The following DEPDC1 variants were observed in gnomAD, a reference collection of about 807,000 sequenced individuals.
DEPDC1 encodes the protein DEP domain containing 1.
DEPDC1 carries 66 observed loss-of-function variants against 86.8 expected under a neutral mutation model. The observed-to-expected ratio is 0.76, with a 90% confidence interval of 0.62 to 0.93. The LOEUF is 0.93. Among genes scored for constraint, DEPDC1 ranks in the 40% least tolerant of loss-of-function variants. DEPDC1 has a pLI of 0.00. For synonymous variants in DEPDC1, 255 were observed against 314.9 expected (o/e 0.81, Z 2.02); for missense variants, 792 against 935.7 (o/e 0.85, Z 2.00).
rs1459668985 is a variant in DEPDC1, at chr1:68,489,534, A to G, written c.389T>C (p.Phe130Ser). ...AAAAATGCTATCTTTATCTTTGGAA[A>G]AGTTCTCTATGTTGTTTTTTCTCAA... ...PELRKNNIEN[F>S]SKDKDSIFKL... The change falls in exon 3 of 12, where the codon TTT becomes TCT. Residue 130 changes from phenylalanine (F) to serine (S), a missense_variant. Coordinates refer to ENST00000456315, the MANE Select transcript of DEPDC1 (RefSeq NM_001114120.3). The G allele has an allele frequency of 2.5e-5, 39 of 1,545,592 alleles. No homozygotes were observed. The highest frequency in any genetic ancestry group is 3.2e-5 in the Non-Finnish European group (37 of 1,155,968).
In DEPDC1 at chr1:68,477,782, C is replaced by A; in HGVS notation, c.2298+5G>T. On this transcript the variant is annotated splice_donor_5th_base_variant and intron_variant, in intron 11 of 11. Coordinates refer to ENST00000456315, the MANE Select transcript of DEPDC1 (RefSeq NM_001114120.3). ...ACATGATTGAGAACTTGCTCATTCT[C>A]TTACCTGTTTTAGTTTTTTTCTTTT... 6.7e-7 allele frequency: 1 copy of A among 1,490,146 alleles called. No individual in the cohort carries two copies. Among genetic ancestry groups the A allele is most frequent in the Non-Finnish European group, 9.0e-7 (1 of 1,109,678 alleles). 92.3% of individuals were successfully genotyped at this position (1,490,146 alleles called of 1,614,324 possible).
chr1:68,479,715 A>AT (rs1646141198), intron 9 of DEPDC1, among the ~76,000 whole-genome samples: 1 of 151,508 alleles, frequency 6.6e-6, no homozygotes, highest in African/African-American at 2.4e-5. Flanking sequence ...AGGCAGAAGG[A>AT]TTTTTTGAGC....
Position 68,477,060 on chromosome 1 carries a change from C to T in DEPDC1, c.2308G>A (p.Glu770Lys), listed in dbSNP as rs760835070. ...CTTTTCTGATATATCAAAGGATATT[C>T]CTTCTGAAACTTAAAAATGAGGTGA... Reference protein sequence around the residue: ...KRKKLKQFQKEYPLIYQKRFP... With the variant: ...KRKKLKQFQKKYPLIYQKRFP... Residue 770 changes from glutamate to lysine, a missense_variant, in exon 12 of 12, where the codon GAA (glutamate) becomes AAA (lysine). By Grantham distance (56) the Glu-to-Lys change is moderately conservative. Transcript: ENST00000456315. 6.3e-7 allele frequency: 1 copy of T among 1,597,032 alleles called. No individual in the cohort carries two copies. The highest frequency in any genetic ancestry group is 8.5e-7 in the Non-Finnish European group (1 of 1,171,950).
In DEPDC1 at chr1:68,481,527, C is replaced by T. The variant is rs538541606; in HGVS notation, c.1848G>A (p.Lys616=). 1.6e-4 allele frequency: 251 copies of T among 1,612,232 alleles called. 2 individuals are homozygous for T. The South Asian group carries it at 2.6e-3, about 16-fold the overall frequency. The part of the protein sequence containing the change: ...CLLLPPPNRR[K]LQLLMRMISR... ...AAATCATACGCATTAAAAGTTGAAG[C>T]TTTCTACGATTTGGTGGGGGAAGTA... Residue 616 remains lysine (K), a synonymous_variant, in exon 9 of 12, where the codon AAG becomes AAA. Coordinates refer to ENST00000456315, the MANE Select transcript of DEPDC1 (RefSeq NM_001114120.3).
At position 68,477,035 on chromosome 1, in the gene DEPDC1, CT is replaced by C; in HGVS notation, c.2332del (p.Arg778AspfsTer23). 1.9e-6 allele frequency: 3 copies of C among 1,607,652 alleles called. No homozygotes were observed. The Admixed American group carries it at 5.0e-5, about 27-fold the overall frequency. ...TGCTTCACTCTCCGTGGTTGGAAAT[CT>C]TTTCTGATATATCAAAGGATATTCC... is the stretch of plus-strand genomic sequence containing the variant. Reference protein sequence around the residue: ...QKEYPLIYQKRFPTTESEAAL... With the variant: ...QKEYPLIYQKXFPTTESEAAL... On this transcript the variant is annotated frameshift_variant, in exon 12 of 12. Transcript: ENST00000456315. LOFTEE classifies it high-confidence loss of function.
intron 6 of DEPDC1, among the ~76,000 whole-genome samples, chr1:68,485,244 G>A (rs886815986): frequency 3.3e-5 from 5 of 151,810 alleles, no homozygotes; most frequent in African/African-American, 1.2e-4. Flanking sequence ...GAAATAGTAT[G>A]TGGAATAAAA....
In DEPDC1 at chr1:68,497,077, C is replaced by T; in HGVS notation, c.-78G>A. The T allele has an allele frequency of 1.3e-6, 2 of 1,513,720 alleles. No individual in the cohort carries two copies. The highest frequency in any genetic ancestry group is 1.1e-5 in the South Asian group (1 of 88,022). The allele number at this position is 1,513,720 out of a possible 1,614,324, so 93.8% of individuals were successfully genotyped here. A position where few individuals can be genotyped will look rare whatever the true frequency, so the allele number is the denominator to read the frequency against. On this transcript the variant is annotated 5_prime_UTR_variant, in exon 1 of 12. Transcript: ENST00000456315. ...CAGCGGCCGCGGCAGTGGCGAGTCT[C>T]GGCACAACCGTTGGCCCCGCCGCCG...
Position 68,496,371 on chromosome 1 carries a change from C to T in DEPDC1, c.48+581G>A, listed in dbSNP as rs1646265268. 6.6e-6 allele frequency among the ~76,000 whole-genome samples: 1 copy of T among 152,186 alleles called. No individual in the cohort carries two copies. Among genetic ancestry groups the T allele is most frequent in the Non-Finnish European group, 1.5e-5 (1 of 68,038 alleles). On this transcript the variant is annotated intron_variant, in intron 1 of 11. Coordinates refer to ENST00000456315, the MANE Select transcript of DEPDC1 (RefSeq NM_001114120.3). The surrounding 1 kb of genome is among the most constrained non-coding windows in gnomAD (Gnocchi z 4.0). ...GAACCGAAGACCCAACTGCACAAAACGCGTTAGGAGTGCTGTACGTGCAAT... is the reference window on the plus strand; with the variant it reads ...GAACCGAAGACCCAACTGCACAAAATGCGTTAGGAGTGCTGTACGTGCAAT...
chr1:68,485,023 T>G (rs1031181063), intron 6 of DEPDC1, among the ~76,000 whole-genome samples: 1 of 151,584 alleles, frequency 6.6e-6, no homozygotes, highest in Non-Finnish European at 1.5e-5. Flanking sequence ...TGCATCTAGG[T>G]TTTAGAGCCA....
chr1:68,492,541 C>T (rs1419311143), intron 2 of DEPDC1, among the ~76,000 whole-genome samples: 1 of 151,512 alleles, frequency 6.6e-6, no homozygotes, highest in Non-Finnish European at 1.5e-5. Context: ...ACCCCGTGTC[C>T]ACAAAAAATT....
chr1:68,479,390 C>T lies in DEPDC1; in HGVS notation c.1936-70G>A, dbSNP rs12131902. On this transcript the variant is annotated intron_variant, in intron 9 of 11. Coordinates refer to ENST00000456315, the MANE Select transcript of DEPDC1 (RefSeq NM_001114120.3). ...ATACAAACTAGAATATCGGTAATTT[C>T]CAGGTAGCATTATGTGAAGTATTGG... 106 of 1,210,586 alleles carry T rather than the reference C, an allele frequency of 8.8e-5. 1 individual carries two copies. The Middle Eastern group carries it at 4.2e-3, about 48-fold the overall frequency. 75.0% of individuals were successfully genotyped at this position (1,210,586 alleles called of 1,614,324 possible).
chr1:68,491,920 ATTTTTTTTT>A (rs1227155636), intron 2 of DEPDC1, among the ~76,000 whole-genome samples: 1 of 138,940 alleles, frequency 7.2e-6, no homozygotes, highest in African/African-American at 2.7e-5. Flanking sequence ...TGGCTAATTA[ATTTTTTTTT>A]TTTTTTTTGT....
rs112237446 is a variant in DEPDC1, at chr1:68,493,629, G to C, written c.314+801C>G. Among the ~76,000 whole-genome samples the C allele has an allele frequency of 4.2e-3, 641 of 152,288 alleles. 7 individuals carry two copies. The highest frequency in any genetic ancestry group is 0.015 in the South Asian group (71 of 4,826). ...CTTGGCTACTATAGCAATTAAGTAA[G>C]AACACATATGTAAATCATCAAACAG... On this transcript the variant is annotated intron_variant, in intron 2 of 11. Coordinates refer to ENST00000456315, the MANE Select transcript of DEPDC1 (RefSeq NM_001114120.3).
rs369526019 is a variant in DEPDC1, at chr1:68,488,995, C to A, written c.511G>T (p.Asp171Tyr). ...EKIKHEIINE[D>Y]QENAIDNREL... ...CTATTATCAATTGCATTTTCTTGAT[C>A]TTCATTGATTATTTCATGCTTTATT... The change falls in exon 4 of 12, where the codon GAT (aspartate) becomes TAT (tyrosine). Residue 171 changes from aspartate to tyrosine, a missense_variant. By Grantham distance (160) the Asp-to-Tyr change is radical. Transcript: ENST00000456315. The A allele has an allele frequency of 6.2e-7, 1 of 1,607,000 alleles. No individual in the cohort carries two copies. Among genetic ancestry groups the A allele is most frequent in the Non-Finnish European group, 8.5e-7 (1 of 1,176,132 alleles).
In DEPDC1 at chr1:68,486,954, A is replaced by T; in HGVS notation, c.752T>A (p.Met251Lys). The T allele has an allele frequency of 6.2e-7, 1 of 1,602,708 alleles. No homozygotes were observed. The highest frequency in any genetic ancestry group is 8.5e-7 in the Non-Finnish European group (1 of 1,175,282). ...DDLPHWVLSAMKCLANWPRSN... is the reference protein window; with the variant it reads ...DDLPHWVLSAKKCLANWPRSN... ...TAACTTACAATTTGCTAGGCACTTC[A>T]TGGCAGATAATACCCAGTGAGGGAG... is the stretch of plus-strand genomic sequence containing the variant. The change falls in exon 6 of 12, where the codon ATG becomes AAG. Residue 251 changes from methionine (M) to lysine (K), a missense_variant. Coordinates refer to ENST00000456315, the MANE Select transcript of DEPDC1 (RefSeq NM_001114120.3).
At position 68,496,860 on chromosome 1, in the gene DEPDC1, G is replaced by A; in HGVS notation, c.48+92C>T. ...GATCCTGGGACTCATCCCTCCGACC[G>A]AGGTAAAACTGCGAACGGTCGAGGT... On this transcript the variant is annotated intron_variant, in intron 1 of 11. Coordinates refer to ENST00000456315, the MANE Select transcript of DEPDC1 (RefSeq NM_001114120.3). This position sits in a 1 kb window ranked among gnomAD's most constrained non-coding sequence, Gnocchi z 4.0. 1 of 1,313,700 alleles carries A rather than the reference G, an allele frequency of 7.6e-7. No homozygotes were observed. Among genetic ancestry groups the A allele is most frequent in the Non-Finnish European group, 1.1e-6 (1 of 923,994 alleles). The allele number at this position is 1,313,700 out of a possible 1,614,324, so 81.4% of individuals were successfully genotyped here.
chr1:68,483,274 T>C (rs769246239), intron 7 of DEPDC1: 4 of 521,724 alleles, frequency 7.7e-6, no homozygotes, highest in Admixed American at 5.8e-5. Context: ...CCTTGGTACC[T>C]GGTATGGAGC....
chr1:68,496,843 G>A lies in DEPDC1; in HGVS notation c.48+109C>T. Reference sequence around the variant, plus strand: ...TTTTCACTGAACCTAGGGATCCTGGGACTCATCCCTCCGACCGAGGTAAAA... The same window carrying A: ...TTTTCACTGAACCTAGGGATCCTGGAACTCATCCCTCCGACCGAGGTAAAA... On this transcript the variant is annotated intron_variant, in intron 1 of 11. Transcript: ENST00000456315. This position sits in a 1 kb window ranked among gnomAD's most constrained non-coding sequence, Gnocchi z 4.0. 1 of 1,062,946 alleles carries A rather than the reference G, an allele frequency of 9.4e-7. No individual in the cohort carries two copies. Among genetic ancestry groups the A allele is most frequent in the African/African-American group, 1.6e-5 (1 of 62,970 alleles). 65.8% of individuals were successfully genotyped at this position (1,062,946 alleles called of 1,614,324 possible). A position where few individuals can be genotyped will look rare whatever the true frequency, so the allele number is the denominator to read the frequency against.
In DEPDC1 at chr1:68,494,712, A is replaced by T; in HGVS notation, c.49-17T>A. On this transcript the variant is annotated splice_polypyrimidine_tract_variant and intron_variant, in intron 1 of 11. Transcript: ENST00000456315. ...TTCATTCCACTGTAAAAAGAAGGAA[A>T]ATATTTTTAAAAAATTGAAGAAAAA... The T allele has an allele frequency of 1.3e-6, 2 of 1,583,862 alleles. No homozygotes were observed. Among genetic ancestry groups the T allele is most frequent in the Non-Finnish European group, 1.7e-6 (2 of 1,164,980 alleles).
Sources: gnomAD v4.1 joint callset for allele counts (sites outside exome capture counted in the v4.1 genomes callset) on GRCh38, gnomAD v4.1.1 for gene constraint, Gnocchi (gnomAD v3.1) non-coding constraint, MANE v1.5 for transcripts, NCBI Gene and HGNC (gene_info 2026-07-23, HGNC 2026-07-21) for gene names.